AFG2B: variants seen among roughly 807,000 people sequenced by gnomAD.
AFG2B encodes AAA ATPase AFG2B.
At chr15:45,419,542 T>C in the AFG2B span, among the ~76,000 whole-genome samples, 2 of 152,118 alleles carry the variant, frequency 1.3e-5, no homozygotes, top group Non-Finnish European at 2.9e-5. Flanking sequence ...ATACCCTTTT[T>C]CGTAAACTTT....
At chr15:45,402,959 T>G in the AFG2B span, 4 of 1,596,828 alleles carry the variant, frequency 2.5e-6, no homozygotes, top group Non-Finnish European at 3.4e-6. Context: ...CCCGCTGGGC[T>G]GGTCACCCCT....
At chr15:45,413,217 C>T in the AFG2B span, among the ~76,000 whole-genome samples, 2 of 152,204 alleles carry the variant, frequency 1.3e-5, no homozygotes, top group African/African-American at 4.8e-5. Context: ...AAGAGGCTCC[C>T]AGAGTCCTCC....
chr15:45,421,398 A>C, the AFG2B span: 3 of 374,934 alleles, frequency 8.0e-6, no homozygotes, highest in African/African-American at 6.3e-5. Flanking sequence ...TATTAAATAA[A>C]ATACTGTAAT....
the AFG2B span, among the ~76,000 whole-genome samples, chr15:45,404,840 A>G: frequency 6.6e-6 from 1 of 151,450 alleles, no homozygotes; most frequent in African/African-American, 2.4e-5. Context: ...AAAAATATAT[A>G]TATGTATACA....
At chr15:45,405,261 A>G in the AFG2B span, 1 of 1,488,654 alleles carries the variant, frequency 6.7e-7, no homozygotes, top group African/African-American at 1.4e-5. Context: ...CAACTTTAAA[A>G]ATAATATATT....
chr15:45,410,544 T>C, the AFG2B span: 1 of 1,593,298 alleles, frequency 6.3e-7, no homozygotes, highest in Admixed American at 1.8e-5. Context: ...AGACAGATAA[T>C]CTACTTAATC....
chr15:45,404,658 A>G, the AFG2B span, among the ~76,000 whole-genome samples: 1 of 151,992 alleles, frequency 6.6e-6, no homozygotes, highest in African/African-American at 2.4e-5. Context: ...AATACAAAAA[A>G]TAAGCCGGGC....
At chr15:45,414,675 T>G in the AFG2B span, 1 of 1,614,156 alleles carries the variant, frequency 6.2e-7, no homozygotes, top group South Asian at 1.1e-5. Flanking sequence ...CTAAAACCAC[T>G]CTGGTGAGGG....
the AFG2B span, chr15:45,405,539 A>G: frequency 6.3e-7 from 1 of 1,594,414 alleles, no homozygotes; most frequent in African/African-American, 1.3e-5. Context: ...ATCTATGTTA[A>G]TCTATTATTG....
At chr15:45,406,825 T>C in the AFG2B span, among the ~76,000 whole-genome samples, 1 of 152,272 alleles carries the variant, frequency 6.6e-6, no homozygotes, top group Admixed American at 6.5e-5. Context: ...CCTTTATTTC[T>C]ACAGTTACAC....
chr15:45,419,045 A>C, the AFG2B span, among the ~76,000 whole-genome samples: 3 of 152,176 alleles, frequency 2.0e-5, no homozygotes, highest in African/African-American at 4.8e-5. Context: ...GCCAGCTAAG[A>C]AGGGAAGGGG....
chr15:45,415,605 G>T, the AFG2B span: 1 of 1,613,794 alleles, frequency 6.2e-7, no homozygotes, highest in Non-Finnish European at 8.5e-7. Context: ...ACAAGCAAGA[G>T]CAAGCACTCC....
At chr15:45,407,799 T>G in the AFG2B span, among the ~76,000 whole-genome samples, 3 of 152,204 alleles carry the variant, frequency 2.0e-5, no homozygotes, top group Non-Finnish European at 4.4e-5. Context: ...GCAAATACTT[T>G]AATAAATACA....
chr15:45,406,893 A>T, the AFG2B span: 2 of 593,028 alleles, frequency 3.4e-6, no homozygotes, highest in African/African-American at 3.8e-5. Flanking sequence ...TTCATCTTGT[A>T]GGTTTAGACC....
the AFG2B span, chr15:45,403,572 G>A: frequency 6.3e-7 from 1 of 1,575,784 alleles, no homozygotes; most frequent in Non-Finnish European, 8.6e-7. Context: ...GCCGCTTCTG[G>A]CGCCATTTGG....
the AFG2B span, among the ~76,000 whole-genome samples, chr15:45,411,118 C>T: frequency 6.6e-6 from 1 of 152,058 alleles, no homozygotes; most frequent in Non-Finnish European, 1.5e-5. Context: ...AGGAGAATCA[C>T]TTGAACCCGG....
the AFG2B span, chr15:45,417,486 TG>T: frequency 1.4e-6 from 2 of 1,441,598 alleles, no homozygotes; most frequent in East Asian, 4.7e-5. Context: ...CTACTTACCC[TG>T]GGTTCCGCCT....
chr15:45,403,319 C>A, the AFG2B span: 2 of 1,599,018 alleles, frequency 1.3e-6, no homozygotes, highest in East Asian at 2.3e-5. Flanking sequence ...AGCCGCGGAC[C>A]CAGCCTCCTC....
At chr15:45,408,540 T>C in the AFG2B span, among the ~76,000 whole-genome samples, 1 of 152,228 alleles carries the variant, frequency 6.6e-6, no homozygotes, top group African/African-American at 2.4e-5. Context: ...TATGGTGATG[T>C]ATAGTGTTGT....
Sources: gnomAD v4.1 joint callset for allele counts (sites outside exome capture counted in the v4.1 genomes callset) on GRCh38, gnomAD v4.1.1 for gene constraint, MANE v1.5 for transcripts, NCBI Gene and HGNC (gene_info 2026-07-23, HGNC 2026-07-21) for gene names.